NAALADL2: variants seen among roughly 807,000 people sequenced by gnomAD.
The protein encoded by NAALADL2 is N-acetylated alpha-linked acidic dipeptidase like 2, also known as inactive N-acetylated-alpha-linked acidic dipeptidase-like protein 2.
A neutral mutation model predicts 87.2 loss-of-function variants in NAALADL2; 76 were observed. That is an observed-to-expected ratio of 0.87 (90% CI 0.72 to 1.05). The LOEUF (loss-of-function observed/expected upper bound fraction) is 1.05, where lower values mean the gene tolerates loss of function less well. NAALADL2 is among the 50% of genes least tolerant of loss of function. NAALADL2 has a pLI of 0.00. For missense variants in NAALADL2, 1,089 were observed against 945.8 expected, an observed-to-expected ratio of 1.15 and a Z score of -1.99; for synonymous variants, 354 against 331.0, an observed-to-expected ratio of 1.07 and a Z score of -0.75.
chr3:175,577,373 A>G (rs1719052356), intron 10 of NAALADL2, among the ~76,000 whole-genome samples: 1 of 152,200 alleles, frequency 6.6e-6, no homozygotes, highest in Admixed American at 6.5e-5. Flanking sequence ...CAACATATTA[A>G]TGGGGTAATT....
Position 175,291,978 on chromosome 3 carries a change from CATATT to C in NAALADL2, c.940-32195_940-32191del, listed in dbSNP as rs528474119. ...ACAATTTCTAAATTATTTTCAGTCT[CATATT>C]AGTCTCCAAAATAGTTTATATGTTA... On this transcript the variant is annotated intron_variant, in intron 4 of 13. Transcript: ENST00000454872. Among the ~76,000 whole-genome samples the C allele has an allele frequency of 4.1e-3, 620 of 152,306 alleles. 2 individuals are homozygous for C. Among genetic ancestry groups the C allele is most frequent in the Middle Eastern group, 0.027 (8 of 294 alleles).
intron 5 of NAALADL2, among the ~76,000 whole-genome samples, chr3:175,399,731 A>T (rs1380766471): frequency 2.0e-5 from 3 of 151,584 alleles, no homozygotes; most frequent in Non-Finnish European, 4.4e-5. Context: ...CTCCTCTCTC[A>T]CCCTGTGACT....
rs1276570256 is a variant in NAALADL2 at position 174,483,892 on chromosome 3, T to TA, written c.-184+42865dup. 2.0e-5 allele frequency among the ~76,000 whole-genome samples: 3 copies of TA among 151,680 alleles called. No homozygotes were observed. In the Admixed American group the frequency reaches 2.0e-4, roughly 10 times the overall value. On this transcript the variant is annotated intron_variant, in intron 1 of 3. Coordinates refer to the NAALADL2 transcript ENST00000434257. ...GTAGTATAAAAGCAAAAAATATCAGTAAAAATAATAGGACAAGAAGGTACC... is the reference window on the plus strand; with the variant it reads ...GTAGTATAAAAGCAAAAAATATCAGTAAAAAATAATAGGACAAGAAGGTACC...
chr3:174,967,216 C>T (rs1176833888), intron 1 of NAALADL2, among the ~76,000 whole-genome samples: 2 of 151,906 alleles, frequency 1.3e-5, no homozygotes, highest in African/African-American at 4.8e-5. Context: ...TAAAGATCTA[C>T]TGAGATAGAG....
intron 1 of NAALADL2, among the ~76,000 whole-genome samples, chr3:175,069,322 A>C (rs1375115609): frequency 6.7e-6 from 1 of 149,998 alleles, no homozygotes; most frequent in African/African-American, 2.5e-5. Flanking sequence ...CAAGAAAAAA[A>C]CAAACAACCC....
rs776776775 is a variant in NAALADL2, at chr3:175,280,226, C to T, written c.939+23696C>T. 3.3e-5 allele frequency among the ~76,000 whole-genome samples: 5 copies of T among 151,926 alleles called. 1 individual carries two copies. The highest frequency in any genetic ancestry group is 1.2e-4 in the African/African-American group (5 of 41,394). Reference sequence around the variant, plus strand: ...TCTTTCTAGTTCTTCAATTTTATATCGATTTCCTTTTTCTCAATGTAATCA... The same window carrying T: ...TCTTTCTAGTTCTTCAATTTTATATTGATTTCCTTTTTCTCAATGTAATCA... On this transcript the variant is annotated intron_variant, in intron 4 of 13. Coordinates refer to ENST00000454872, the MANE Select transcript of NAALADL2 (RefSeq NM_207015.3).
intron 1 of NAALADL2, among the ~76,000 whole-genome samples, chr3:174,521,822 T>C (rs1166746477): frequency 6.6e-6 from 1 of 152,140 alleles, no homozygotes; most frequent in Non-Finnish European, 1.5e-5. Flanking sequence ...TGAAAAATTA[T>C]CTGCTGGATA....
At chr3:174,757,835 C>G (rs1712335304) in intron 3 of NAALADL2, among the ~76,000 whole-genome samples, 1 of 152,130 alleles carries the variant, frequency 6.6e-6, no homozygotes, top group Non-Finnish European at 1.5e-5. Context: ...AGCCAGACAT[C>G]TAGTTTACAG....
At chr3:175,511,280 C>T (rs1731114542) in intron 9 of NAALADL2, among the ~76,000 whole-genome samples, 1 of 152,148 alleles carries the variant, frequency 6.6e-6, no homozygotes, top group African/African-American at 2.4e-5. Flanking sequence ...TGTTGAAGCC[C>T]TAGTCTCTAG....
intron 2 of NAALADL2, among the ~76,000 whole-genome samples, chr3:175,158,405 C>T (rs2108822648): frequency 6.7e-6 from 1 of 149,558 alleles, no homozygotes; most frequent in East Asian, 2.0e-4. Flanking sequence ...CAAGTAAAGC[C>T]ATCATCAGGA....
At chr3:175,774,681 G>T (rs1749979257) in intron 13 of NAALADL2, among the ~76,000 whole-genome samples, 1 of 152,030 alleles carries the variant, frequency 6.6e-6, no homozygotes, top group Admixed American at 6.6e-5. Flanking sequence ...GCTGCTCAAT[G>T]TGGTAGCCAC....
At chr3:175,153,437 G>A (rs185118444) in intron 2 of NAALADL2, among the ~76,000 whole-genome samples, 1 of 152,286 alleles carries the variant, frequency 6.6e-6, no homozygotes, top group East Asian at 1.9e-4. Flanking sequence ...AGGTTGCCCT[G>A]TGCATGGTCT....
chr3:174,769,269 G>A (rs1006152115), intron 3 of NAALADL2, among the ~76,000 whole-genome samples: 1 of 151,932 alleles, frequency 6.6e-6, no homozygotes, highest in Non-Finnish European at 1.5e-5. Context: ...AGAAAATGCA[G>A]CCTAAAACCT....
chr3:175,366,826 G>C (rs567490451), intron 5 of NAALADL2, among the ~76,000 whole-genome samples: 2 of 151,852 alleles, frequency 1.3e-5, no homozygotes, highest in East Asian at 3.9e-4. Context: ...TCACTCTGTT[G>C]GTAGTTTCTT....
chr3:174,750,506 C>T (rs1166555712), intron 3 of NAALADL2, among the ~76,000 whole-genome samples: 2 of 151,966 alleles, frequency 1.3e-5, no homozygotes, highest in Non-Finnish European at 2.9e-5. Context: ...TCTCCACTTA[C>T]TGCAACTTCC....
Position 175,559,541 on chromosome 3 carries a change from GTT to G in NAALADL2, c.1654-16496_1654-16495del, listed in dbSNP as rs1255697263. On this transcript the variant is annotated intron_variant, in intron 9 of 13. Transcript: ENST00000454872. Reference sequence around the variant, plus strand: ...CCACATCTCACAGGAAAGGCTTTATGTTTTTCCCCATTCAGTATGATATTATC... The same window carrying G: ...CCACATCTCACAGGAAAGGCTTTATGTTTCCCCATTCAGTATGATATTATC... Among the ~76,000 whole-genome samples the G allele has an allele frequency of 3.3e-5, 5 of 152,130 alleles. No homozygotes were observed. In the East Asian group the frequency reaches 9.7e-4, roughly 29 times the overall value.
chr3:175,490,646 C>T (rs1369385589), intron 9 of NAALADL2, among the ~76,000 whole-genome samples: 5 of 151,522 alleles, frequency 3.3e-5, no homozygotes, highest in African/African-American at 7.3e-5. Flanking sequence ...CTGCCAGTCT[C>T]GGCCTCCCAA....
At chr3:174,907,140 C>T (rs1377291182) in intron 1 of NAALADL2, among the ~76,000 whole-genome samples, 1 of 152,096 alleles carries the variant, frequency 6.6e-6, no homozygotes, top group Non-Finnish European at 1.5e-5. Context: ...CAAACTCTTT[C>T]TCAGCAGAAT....
intron 3 of NAALADL2, among the ~76,000 whole-genome samples, chr3:174,802,098 G>A (rs1454821292): frequency 6.6e-6 from 1 of 151,864 alleles, no homozygotes; most frequent in Admixed American, 6.6e-5. Context: ...GTCAGTCTAT[G>A]TCCACACTTA....
Sources: gnomAD v4.1 joint callset for allele counts (sites outside exome capture counted in the v4.1 genomes callset) on GRCh38, gnomAD v4.1.1 for gene constraint, MANE v1.5 for transcripts, NCBI Gene and HGNC (gene_info 2026-07-23, HGNC 2026-07-21) for gene names.